INPP4B: variants seen among roughly 807,000 people sequenced by gnomAD.
The protein encoded by INPP4B is inositol polyphosphate 4-phosphatase type II.
A neutral mutation model predicts 122.5 loss-of-function variants in INPP4B; 55 were observed. That is an observed-to-expected ratio of 0.45 (90% CI 0.36 to 0.56). The LOEUF (loss-of-function observed/expected upper bound fraction) is 0.56, where lower values mean the gene tolerates loss of function less well. Ranked by LOEUF, INPP4B falls within the 20% of genes least tolerant of loss-of-function variation. INPP4B has a pLI of 0.00. For missense variants in INPP4B, 1,000 were observed against 1,097.7 expected, an observed-to-expected ratio of 0.91 and a Z score of 1.26; for synonymous variants, 403 against 388.7, an observed-to-expected ratio of 1.04 and a Z score of -0.43.
chr4:142,764,506 T>C (rs879728843), intron 1 of INPP4B, among the ~76,000 whole-genome samples: 3 of 152,120 alleles, frequency 2.0e-5, no homozygotes, highest in Non-Finnish European at 4.4e-5. Context: ...TAGTTGGGGC[T>C]CTAATGATAC....
At chr4:142,383,613 C>G (rs763802946) in intron 7 of INPP4B, among the ~76,000 whole-genome samples, 15 of 151,824 alleles carry the variant, frequency 9.9e-5, no homozygotes, top group Non-Finnish European at 2.2e-4. Context: ...CAATAGTATC[C>G]CATGATGCTT....
chr4:142,060,587 T>C lies in INPP4B; in HGVS notation c.2642+21444A>G, dbSNP rs182023267. Among the ~76,000 whole-genome samples the C allele has an allele frequency of 2.1e-4, 32 of 152,324 alleles. No individual in the cohort carries two copies. In the East Asian group the frequency reaches 5.4e-3, roughly 26 times the overall value. ...AAGAGGGCCTGGTTCCACCACGTCT[T>C]AGCTGTAAGGCCTTTTGCATGTCTT... On this transcript the variant is annotated intron_variant, in intron 25 of 25. Coordinates refer to ENST00000262992, the MANE Select transcript of INPP4B (RefSeq NM_001101669.3).
chr4:142,623,298 T>C (rs77414080), intron 2 of INPP4B, among the ~76,000 whole-genome samples: 2,058 of 152,092 alleles, frequency 0.014, 36 homozygotes, highest in African/African-American at 0.039. Flanking sequence ...GTGCATTTGC[T>C]GCCACTCCTA....
intron 16 of INPP4B, among the ~76,000 whole-genome samples, chr4:142,168,579 G>A (rs1475224986): frequency 1.3e-5 from 2 of 151,556 alleles, no homozygotes; most frequent in Non-Finnish European, 3.0e-5. Context: ...ATACACTTCT[G>A]AGGACTTTAT....
At chr4:142,216,233 C>G (rs959712324) in intron 12 of INPP4B, among the ~76,000 whole-genome samples, 1 of 152,194 alleles carries the variant, frequency 6.6e-6, no homozygotes, top group African/African-American at 2.4e-5. Flanking sequence ...CACTAGAGTT[C>G]TATCTCCAAA....
chr4:142,398,394 AAAAAAAAATATATATATATATATATATAT>A lies in INPP4B; in HGVS notation c.372+4515_372+4543del, dbSNP rs1275436226. 4.6e-4 allele frequency among the ~76,000 whole-genome samples: 11 copies of A among 23,940 alleles called. 1 individual carries two copies. The highest frequency in any genetic ancestry group is 7.6e-4 in the Non-Finnish European group (8 of 10,522). 15.7% of individuals were successfully genotyped at this position (23,940 alleles called of 152,430 possible). A position where few individuals can be genotyped will look rare whatever the true frequency, so the allele number is the denominator to read the frequency against. On this transcript the variant is annotated intron_variant, in intron 7 of 25. Transcript: ENST00000262992. ...CTCTGTCTAAAAAAAAAAAAAAAAA[AAAAAAAAATATATATATATATATATATAT>A]ATATATATATATATATATATATAAA...
intron 11 of INPP4B, among the ~76,000 whole-genome samples, chr4:142,247,625 G>T (rs1405536880): frequency 3.9e-5 from 6 of 152,046 alleles, no homozygotes; most frequent in Admixed American, 6.6e-5. Flanking sequence ...TTTCTGTGGG[G>T]TCAGTGGTGA....
At chr4:142,507,853 A>G (rs1824215612) in intron 2 of INPP4B, among the ~76,000 whole-genome samples, 1 of 152,120 alleles carries the variant, frequency 6.6e-6, no homozygotes, top group Non-Finnish European at 1.5e-5. Flanking sequence ...TCCCAACCTG[A>G]CTATTGACTT....
intron 5 of INPP4B, among the ~76,000 whole-genome samples, chr4:142,415,541 T>A (rs1211077821): frequency 6.6e-6 from 1 of 151,940 alleles, no homozygotes; most frequent in Non-Finnish European, 1.5e-5. Context: ...AGGAACACTT[T>A]TACACTGTTG....
rs936217877 is a variant in INPP4B at position 142,623,561 on chromosome 4, C to T, written c.-191+102278G>A. 2.6e-5 allele frequency among the ~76,000 whole-genome samples: 4 copies of T among 151,718 alleles called. No homozygotes were observed. In the Admixed American group the frequency reaches 2.6e-4, roughly 10 times the overall value. ...TTATACAGGCCTGTATAATTCACTC[C>T]TTTTTTAAATTTTATTATTATTATA... On this transcript the variant is annotated intron_variant, in intron 2 of 25. Transcript: ENST00000262992.
chr4:142,612,642 T>C (rs1742809760), intron 2 of INPP4B, among the ~76,000 whole-genome samples: 1 of 152,120 alleles, frequency 6.6e-6, no homozygotes. Context: ...AAAACTGCAA[T>C]TATTTTTGCA....
chr4:142,227,594 C>T (rs921863429), intron 12 of INPP4B, among the ~76,000 whole-genome samples: 3 of 151,850 alleles, frequency 2.0e-5, no homozygotes, highest in Non-Finnish European at 2.9e-5. Context: ...GGCATGGTAA[C>T]TCACACCTGT....
At chr4:142,407,380 T>A (rs1415585216) in intron 5 of INPP4B, among the ~76,000 whole-genome samples, 1 of 152,154 alleles carries the variant, frequency 6.6e-6, no homozygotes, top group Non-Finnish European at 1.5e-5. Flanking sequence ...AAGTCACTTC[T>A]TTTCTGAGTT....
chr4:142,762,376 G>A (rs1771471699), intron 1 of INPP4B, among the ~76,000 whole-genome samples: 1 of 152,004 alleles, frequency 6.6e-6, no homozygotes, highest in Non-Finnish European at 1.5e-5. Context: ...GAAAAACTTT[G>A]GGAAGACAGA....
At chr4:142,707,781 T>G (rs964998176) in intron 2 of INPP4B, among the ~76,000 whole-genome samples, 1 of 152,186 alleles carries the variant, frequency 6.6e-6, no homozygotes, top group Non-Finnish European at 1.5e-5. Context: ...AGAAAATTGG[T>G]AGCAGGAACT....
intron 2 of INPP4B, among the ~76,000 whole-genome samples, chr4:142,527,380 A>G (rs1827063488): frequency 1.3e-5 from 2 of 151,976 alleles, no homozygotes; most frequent in Admixed American, 1.3e-4. Flanking sequence ...GCATATACCA[A>G]AAACATATTT....
intron 2 of INPP4B, among the ~76,000 whole-genome samples, chr4:142,556,015 T>C (rs1348640657): frequency 2.0e-5 from 3 of 152,156 alleles, no homozygotes; most frequent in Non-Finnish European, 4.4e-5. Context: ...GGGTAACTTA[T>C]GAGGATACAG....
At chr4:142,074,133 T>A (rs574897616) in intron 25 of INPP4B, among the ~76,000 whole-genome samples, 6 of 152,136 alleles carry the variant, frequency 3.9e-5, no homozygotes, top group Admixed American at 2.6e-4. Context: ...AGCACATTTT[T>A]AAAAAAATGC....
intron 2 of INPP4B, among the ~76,000 whole-genome samples, chr4:142,603,721 A>C (rs1187892342): frequency 6.6e-6 from 1 of 152,138 alleles, no homozygotes; most frequent in East Asian, 1.9e-4. Context: ...ATCAGTAACA[A>C]AAAAGTCTCC....
Sources: allele counts gnomAD v4.1 joint callset (sites outside exome capture counted in the v4.1 genomes callset), GRCh38; gene constraint gnomAD v4.1.1; transcripts MANE v1.5; gene names NCBI Gene and HGNC (gene_info 2026-07-23, HGNC 2026-07-21).